The following SIPA1L1 variants were observed in gnomAD, a reference collection of about 807,000 sequenced individuals.
SIPA1L1 encodes signal induced proliferation associated 1 like 1.
Under a neutral mutation model 162.7 loss-of-function variants are expected in SIPA1L1, and 26 were observed. That is an observed-to-expected ratio of 0.16 (90% CI 0.12 to 0.22). The LOEUF (loss-of-function observed/expected upper bound fraction) is 0.22, where lower values mean the gene tolerates loss of function less well. Among genes scored for constraint, SIPA1L1 ranks in the 10% least tolerant of loss-of-function variants. The pLI, the probability that SIPA1L1 is intolerant of heterozygous loss-of-function variation, is 1.00. For missense variants in SIPA1L1, 1,874 were observed against 2,241.0 expected (o/e 0.84, Z 3.31); for synonymous variants, 829 against 837.4 (o/e 0.99, Z 0.17).
chr14:71,398,225 A>G (rs2041380052), intron 2 of SIPA1L1: 1 of 152,068 alleles, frequency 6.6e-6, no homozygotes, highest in South Asian at 2.1e-4. Context: ...CCGTGTTAGC[A>G]TAAATAACCA....
intron 4 of SIPA1L1, among the ~76,000 whole-genome samples, chr14:71,569,187 G>A (rs909566481): frequency 6.6e-6 from 1 of 152,286 alleles, no homozygotes; most frequent in African/African-American, 2.4e-5. Flanking sequence ...CATAGGAGCA[G>A]ATTTGAATGA....
intron 4 of SIPA1L1, among the ~76,000 whole-genome samples, chr14:71,564,347 C>CT (rs918163471): frequency 2.0e-5 from 3 of 148,776 alleles, no homozygotes; most frequent in East Asian, 2.0e-4. Context: ...ATTTCTGTGA[C>CT]TTTTTTTTTC....
chr14:71,383,582 T>G (rs541635789), intron 2 of SIPA1L1, among the ~76,000 whole-genome samples: 1 of 152,320 alleles, frequency 6.6e-6, no homozygotes, highest in African/African-American at 2.4e-5. Flanking sequence ...CTCATGGTTC[T>G]GCAAGCGGTA....
intron 22 of SIPA1L1, 25 bp from the exon 23 acceptor site, chr14:71,738,216 A>ATGGTCT: frequency 7.0e-7 from 1 of 1,427,800 alleles, no homozygotes; most frequent in East Asian, 2.3e-5. Flanking sequence ...CCCTGCCAAC[A>ATGGTCT]TGGTCTTTTG....
intron 4 of SIPA1L1, among the ~76,000 whole-genome samples, chr14:71,530,158 C>T (rs1437404331): frequency 6.6e-6 from 1 of 152,124 alleles, no homozygotes. Context: ...TTTAGTAATC[C>T]ATTAGTTTCT....
rs192663868 is a variant in SIPA1L1 at position 71,672,712 on chromosome 14, G to A, written c.3104+90G>A. The A allele has an allele frequency of 6.5e-4, 889 of 1,370,136 alleles. 1 individual carries two copies. Among genetic ancestry groups the A allele is most frequent in the Middle Eastern group, 5.6e-3 (23 of 4,078 alleles). The allele number at this position is 1,370,136 out of a possible 1,614,324, so 84.9% of individuals were successfully genotyped here. On this transcript the variant is annotated intron_variant, in intron 12 of 23. Coordinates refer to ENST00000381232, the MANE Select transcript of SIPA1L1 (RefSeq NM_001386936.1). ...ATCTCTTAGCAGGTAGTGGAGTAGGGTGTTGTGAAGAACAATAGGTTACAT... is the reference window on the plus strand; with the variant it reads ...ATCTCTTAGCAGGTAGTGGAGTAGGATGTTGTGAAGAACAATAGGTTACAT...
At chr14:71,524,691 C>T (rs1423908273) in intron 3 of SIPA1L1, among the ~76,000 whole-genome samples, 1 of 152,190 alleles carries the variant, frequency 6.6e-6, no homozygotes, top group Non-Finnish European at 1.5e-5. Flanking sequence ...CTCAAGTAGC[C>T]TCCTGCCTTG....
intron 2 of SIPA1L1, among the ~76,000 whole-genome samples, chr14:71,457,597 G>A (rs1330881733): frequency 6.9e-6 from 1 of 144,756 alleles, no homozygotes; most frequent in East Asian, 2.1e-4. Flanking sequence ...ATGCCCAGCC[G>A]ACATTTTTTT....
At chr14:71,498,561 A>G (rs2049964249) in intron 2 of SIPA1L1, among the ~76,000 whole-genome samples, 1 of 152,192 alleles carries the variant, frequency 6.6e-6, no homozygotes, top group African/African-American at 2.4e-5. Flanking sequence ...GGGCCCTGAA[A>G]TTCATCTGAG....
chr14:71,626,433 C>CTGAG (rs2039995143), intron 7 of SIPA1L1, among the ~76,000 whole-genome samples: 1 of 152,070 alleles, frequency 6.6e-6, no homozygotes, highest in African/African-American at 2.4e-5. Context: ...CTGGATTGTA[C>CTGAG]TGAGATAAAG....
At chr14:71,355,731 G>A (rs1452476922) in intron 2 of SIPA1L1, among the ~76,000 whole-genome samples, 1 of 152,172 alleles carries the variant, frequency 6.6e-6, no homozygotes, top group Non-Finnish European at 1.5e-5. Context: ...TATAAGGGAA[G>A]GTTCGAAGTG....
chr14:71,702,583 C>T, intron 15 of SIPA1L1, 78 bp downstream of exon 15: 3 of 1,293,096 alleles, frequency 2.3e-6, no homozygotes, highest in Non-Finnish European at 3.2e-6. Flanking sequence ...GTTATCAAAA[C>T]ATTGTTATAA....
At chr14:71,604,477 G>A (rs2037237562) in intron 5 of SIPA1L1, among the ~76,000 whole-genome samples, 1 of 152,044 alleles carries the variant, frequency 6.6e-6, no homozygotes. Context: ...TAACATTTTT[G>A]TGTGTTTTCA....
chr14:71,419,788 C>T (rs895349444), intron 2 of SIPA1L1, among the ~76,000 whole-genome samples: 16 of 151,900 alleles, frequency 1.1e-4, no homozygotes, highest in African/African-American at 2.4e-4. Flanking sequence ...TGAGCCACCG[C>T]GCCCGGCCAA....
intron 7 of SIPA1L1, among the ~76,000 whole-genome samples, chr14:71,626,615 C>T (rs1339765429): frequency 1.3e-5 from 2 of 152,128 alleles, no homozygotes; most frequent in Non-Finnish European, 2.9e-5. Flanking sequence ...TGAATCATTG[C>T]AAAGCATTTT....
intron 2 of SIPA1L1, among the ~76,000 whole-genome samples, chr14:71,458,977 C>A (rs1008749746): frequency 6.6e-6 from 1 of 151,440 alleles, no homozygotes; most frequent in Non-Finnish European, 1.5e-5. Flanking sequence ...GAGGCTGAGG[C>A]AGGAGAATCG....
Position 71,354,110 on chromosome 14 carries a change from G to T in SIPA1L1, c.-465+32929G>T, listed in dbSNP as rs184347393. 6.3e-3 allele frequency among the ~76,000 whole-genome samples: 950 copies of T among 151,994 alleles called. 3 individuals are homozygous for T. The highest frequency in any genetic ancestry group is 0.01 in the Non-Finnish European group (711 of 67,978). On this transcript the variant is annotated intron_variant, in intron 2 of 23. Coordinates refer to ENST00000381232, the MANE Select transcript of SIPA1L1 (RefSeq NM_001386936.1). The stretch of plus-strand genomic sequence containing the variant: ...GTATTGTTTTGCAAACCAGCTTTGA[G>T]AATCACTGATTTGTGGTATTATGCA...
chr14:71,736,741 A>G (rs2085327527), intron 22 of SIPA1L1, among the ~76,000 whole-genome samples: 1 of 152,194 alleles, frequency 6.6e-6, no homozygotes, highest in Non-Finnish European at 1.5e-5. Flanking sequence ...TCCAACAGAG[A>G]GAAGTGTGAG....
rs75753740 is a variant in SIPA1L1, at chr14:71,699,063, T to C, written c.3457T>C (p.Leu1153=). Residue 1153 remains leucine (L), a synonymous_variant, in exon 14 of 24, where the codon TTG becomes CTG. Coordinates refer to ENST00000381232, the MANE Select transcript of SIPA1L1 (RefSeq NM_001386936.1). ...CCAGTGTCGGAACTCTCCTAGCAAC[T>C]TGTCTTCATCCAGTGATACTGGTTC... The part of the protein sequence containing the change: ...RSQCRNSPSN[L]SSSSDTGSVG... The C allele has an allele frequency of 3.5e-4, 570 of 1,614,198 alleles. 6 individuals carry two copies. The East Asian group carries it at 0.012, about 35-fold the overall frequency.
Sources: allele counts gnomAD v4.1 joint callset (sites outside exome capture counted in the v4.1 genomes callset), GRCh38; gene constraint gnomAD v4.1.1; transcripts MANE v1.5; gene names NCBI Gene and HGNC (gene_info 2026-07-23, HGNC 2026-07-21).